The following CLVS2 variants were observed in gnomAD, a reference collection of about 807,000 sequenced individuals.
CLVS2 encodes the protein clavesin 2, also known as clavesin-2.
Under a neutral mutation model 29.0 loss-of-function variants are expected in CLVS2, and 19 were observed. The observed-to-expected ratio is 0.66, with a 90% CI of 0.46 to 0.96. CLVS2 has a LOEUF of 0.96. CLVS2 is among the 40% of genes least tolerant of loss of function. The pLI, the probability that CLVS2 is intolerant of heterozygous loss-of-function variation, is 0.00. For missense variants in CLVS2, 294 were observed against 404.1 expected, an observed-to-expected ratio of 0.73 and a Z score of 2.34; for synonymous variants, 161 against 151.3, an observed-to-expected ratio of 1.06 and a Z score of -0.47.
chr6:123,028,201 C>T (rs1269191525), intron 3 of CLVS2, among the ~76,000 whole-genome samples: 1 of 151,194 alleles, frequency 6.6e-6, no homozygotes, highest in Non-Finnish European at 1.5e-5. Context: ...GATTCTATTT[C>T]TTGGCATTCT....
At chr6:123,023,613 T>C (rs1333965103) in intron 3 of CLVS2, among the ~76,000 whole-genome samples, 1 of 152,138 alleles carries the variant, frequency 6.6e-6, no homozygotes, top group Non-Finnish European at 1.5e-5. Flanking sequence ...AGAGATTTAC[T>C]TTTTCTCATC....
chr6:123,042,008 T>TGA (rs1475463085), intron 3 of CLVS2, among the ~76,000 whole-genome samples: 1 of 152,160 alleles, frequency 6.6e-6, no homozygotes, highest in Non-Finnish European at 1.5e-5. Context: ...TAATGGGAAA[T>TGA]GATTGTATCA....
intron 4 of CLVS2, among the ~76,000 whole-genome samples, chr6:123,054,279 G>A (rs1772659126): frequency 6.6e-6 from 1 of 152,226 alleles, no homozygotes. Flanking sequence ...ACACAGGGGT[G>A]CACATGTGTT....
rs557471350 is a variant in CLVS2 at position 123,067,866 on chromosome 6, T to C, written c.*4105T>C. ...GGATTTGTTTTCTTGTTTTTGTCTT[T>C]GGTTTTAGTTGAAAAAATAGCTTCC... On this transcript the variant is annotated 3_prime_UTR_variant, in exon 6 of 6. Coordinates refer to ENST00000275162, the MANE Select transcript of CLVS2 (RefSeq NM_001010852.4). 2.6e-5 allele frequency: 4 copies of C among 151,702 alleles called. No individual in the cohort carries two copies. The highest frequency in any genetic ancestry group is 6.6e-5 in the Admixed American group (1 of 15,170). The allele number at this position is 151,702 out of a possible 1,614,324, so 9.4% of individuals were successfully genotyped here. A position where few individuals can be genotyped will look rare whatever the true frequency, so the allele number is the denominator to read the frequency against.
intron 5 of CLVS2, among the ~76,000 whole-genome samples, chr6:123,057,937 G>A (rs1772718982): frequency 6.6e-6 from 1 of 152,134 alleles, no homozygotes; most frequent in Non-Finnish European, 1.5e-5. Flanking sequence ...AATTTTGTGT[G>A]CGTAAGTATG....
intron 2 of CLVS2, among the ~76,000 whole-genome samples, chr6:123,005,500 G>T (rs1246489412): frequency 3.3e-5 from 5 of 152,148 alleles, no homozygotes; most frequent in Non-Finnish European, 7.4e-5. Flanking sequence ...GTGTTATGCT[G>T]CTCAGTGCGA....
chr6:123,008,112 T>G (rs953342701), intron 2 of CLVS2, among the ~76,000 whole-genome samples: 15 of 152,172 alleles, frequency 9.9e-5, no homozygotes, highest in Non-Finnish European at 1.8e-4. Flanking sequence ...GTGAGATGTT[T>G]GACAACAGAG....
chr6:122,997,494 G>C lies in CLVS2; in HGVS notation c.-284G>C. ...GAAGAGGAGTGCGGAGCCCTTCAGG[G>C]GTTCACATCTCTTTAAAGGAAAGGA... On this transcript the variant is annotated 5_prime_UTR_variant, in exon 2 of 6. Coordinates refer to ENST00000275162, the MANE Select transcript of CLVS2 (RefSeq NM_001010852.4). 1 of 464,664 alleles carries C rather than the reference G, an allele frequency of 2.2e-6. No individual in the cohort carries two copies. 28.8% of individuals were successfully genotyped at this position (464,664 alleles called of 1,614,324 possible).
rs2114378321 is a variant in CLVS2 at position 123,068,448 on chromosome 6, GT to G, written c.*4691del. Reference sequence around the variant, plus strand: ...TAGGTGAAAATAAATTTTAACCACAGTTTTAAGGGTCACCCAATCCTCAACT... The same window carrying G: ...TAGGTGAAAATAAATTTTAACCACAGTTTAAGGGTCACCCAATCCTCAACT... On this transcript the variant is annotated 3_prime_UTR_variant, in exon 6 of 6. Coordinates refer to ENST00000275162, the MANE Select transcript of CLVS2 (RefSeq NM_001010852.4). 6.6e-6 allele frequency: 1 copy of G among 151,672 alleles called. No homozygotes were observed. Among genetic ancestry groups the G allele is most frequent in the East Asian group, 1.9e-4 (1 of 5,178 alleles). 9.4% of individuals were successfully genotyped at this position (151,672 alleles called of 1,614,324 possible).
In CLVS2 at chr6:123,062,121, A is replaced by G. The variant is rs1241680285; in HGVS notation, c.897-1553A>G. ...TTATGGAACTTGCAGTCTAGTGCAT[A>G]TCAGTTGTCAGGTTAATACTTTAGC... On this transcript the variant is annotated intron_variant, in intron 5 of 5. Transcript: ENST00000275162. Among the ~76,000 whole-genome samples, 7 of 152,154 alleles carry G rather than the reference A, an allele frequency of 4.6e-5. No individual in the cohort carries two copies. The South Asian group carries it at 1.2e-3, about 27-fold the overall frequency.
intron 1 of CLVS2, among the ~76,000 whole-genome samples, 181 bp downstream of exon 1, chr6:122,996,927 C>T (rs1467898692): frequency 6.6e-6 from 1 of 151,830 alleles, no homozygotes; most frequent in Non-Finnish European, 1.5e-5. Flanking sequence ...GCGGCAAGTC[C>T]GTGGAAATGA....
intron 5 of CLVS2, among the ~76,000 whole-genome samples, chr6:123,057,198 C>T (rs1772704374): frequency 1.3e-5 from 2 of 152,172 alleles, no homozygotes; most frequent in African/African-American, 4.8e-5. Flanking sequence ...TCTCCCCTCA[C>T]CTAGCTCAGG....
chr6:123,017,412 G>A (rs1183398609), intron 3 of CLVS2, among the ~76,000 whole-genome samples: 1 of 152,046 alleles, frequency 6.6e-6, no homozygotes, highest in African/African-American at 2.4e-5. Context: ...CATTCAGGCA[G>A]CCTGGAGATG....
chr6:123,032,096 T>A (rs1775091463), intron 3 of CLVS2, among the ~76,000 whole-genome samples: 1 of 152,134 alleles, frequency 6.6e-6, no homozygotes, highest in Admixed American at 6.6e-5. Flanking sequence ...AGCGCTAATA[T>A]CCTAGATTGG....
chr6:123,001,416 T>G (rs989123693), intron 2 of CLVS2, among the ~76,000 whole-genome samples: 1 of 152,134 alleles, frequency 6.6e-6, no homozygotes, highest in Non-Finnish European at 1.5e-5. Context: ...AAAATGGAAA[T>G]ACTCAAATGT....
intron 2 of CLVS2, among the ~76,000 whole-genome samples, chr6:123,010,128 C>T (rs1027228170): frequency 6.6e-6 from 1 of 151,962 alleles, no homozygotes; most frequent in Non-Finnish European, 1.5e-5. Flanking sequence ...TTACTCTTCC[C>T]TAATTTCAGT....
In CLVS2 at chr6:123,055,442, A is replaced by C. The variant is rs560935796; in HGVS notation, c.676-364A>C. ...TCTGTTTTCACAGCATTCATTATAC[A>C]CATCATCAAGTTTGCACAACTAACA... On this transcript the variant is annotated intron_variant, in intron 4 of 5. Transcript: ENST00000275162. Among the ~76,000 whole-genome samples the C allele has an allele frequency of 2.0e-5, 3 of 152,316 alleles. No homozygotes were observed. In the South Asian group the frequency reaches 6.2e-4, roughly 32 times the overall value.
At chr6:123,015,987 T>C (rs1047242914) in intron 3 of CLVS2, among the ~76,000 whole-genome samples, 5 of 148,246 alleles carry the variant, frequency 3.4e-5, no homozygotes, top group Non-Finnish European at 6.0e-5. Context: ...ACCAACAAAA[T>C]GTATTTCCGT....
intron 2 of CLVS2, among the ~76,000 whole-genome samples, chr6:123,009,196 A>G (rs1202300909): frequency 2.0e-5 from 3 of 151,968 alleles, no homozygotes. Flanking sequence ...TCCTCCCCCA[A>G]ACATGGCCAA....
Sources: allele counts gnomAD v4.1 joint callset (sites outside exome capture counted in the v4.1 genomes callset), GRCh38; gene constraint gnomAD v4.1.1; transcripts MANE v1.5; gene names NCBI Gene and HGNC (gene_info 2026-07-23, HGNC 2026-07-21).